Variants in NFIX observed in about 807,000 individuals in gnomAD.
NFIX encodes the protein nuclear factor I X.
Under a neutral mutation model 53.3 loss-of-function variants are expected in NFIX, and 2 were observed. That is an observed-to-expected ratio of 0.04 (90% CI 0.02 to 0.12). The LOEUF is 0.12. Ranked by LOEUF, NFIX falls within the 10% of genes least tolerant of loss-of-function variation. The pLI is 1.00. For synonymous variants in NFIX, 244 were observed against 289.0 expected, an observed-to-expected ratio of 0.84 and a Z score of 1.58; for missense variants, 310 against 674.5, an observed-to-expected ratio of 0.46 and a Z score of 5.99.
At position 13,025,219 on chromosome 19, in the gene NFIX, C is replaced by T. The variant is rs1394173641; in HGVS notation, c.226C>T (p.Leu76=). 1.2e-6 allele frequency: 2 copies of T among 1,614,086 alleles called. No homozygotes were observed. The highest frequency in any genetic ancestry group is 2.7e-5 in the African/African-American group (2 of 74,940). ...EIKQKWASRL[L]AKLRKDIRPE... ...CAAGCAGAAGTGGGCATCCCGGCTG[C>T]TGGCCAAGCTGCGCAAGGACATCCG... Residue 76 remains leucine, a synonymous_variant, in exon 2 of 11, where the codon CTG becomes TTG. Transcript: ENST00000592199. The surrounding 1 kb of genome is among the most constrained non-coding windows in gnomAD (Gnocchi z 7.5).
chr19:13,071,660 A>G (rs1266076135), intron 2 of NFIX, among the ~76,000 whole-genome samples: 1 of 152,380 alleles, frequency 6.6e-6, no homozygotes, highest in Non-Finnish European at 1.5e-5. Flanking sequence ...TTGGAATTAA[A>G]AAATCAAAAG....
chr19:13,023,943 C>A, intron 1 of NFIX: 1 of 521,826 alleles, frequency 1.9e-6, no homozygotes, highest in Non-Finnish European at 3.4e-6. Flanking sequence ...CTCCTCCTCC[C>A]CCCTCCCCCC....
In NFIX at chr19:13,096,669, A is replaced by G. The variant is rs1418993670; in HGVS notation, c.*2020A>G. On this transcript the variant is annotated 3_prime_UTR_variant, in exon 11 of 11. Transcript: ENST00000592199. ...ATGATTTTTCAGTTCGGTTGGCTAA[A>G]CAGGGTCAGAGCTGAGAGCGAAGCA... 1 of 152,448 alleles carries G rather than the reference A, an allele frequency of 6.6e-6. No homozygotes were observed. Among genetic ancestry groups the G allele is most frequent in the Non-Finnish European group, 1.5e-5 (1 of 68,030 alleles). 9.4% of individuals were successfully genotyped at this position (152,448 alleles called of 1,614,324 possible). A position where few individuals can be genotyped will look rare whatever the true frequency, so the allele number is the denominator to read the frequency against.
In NFIX at chr19:13,089,029, G is replaced by A. The variant is rs757961285; in HGVS notation, c.1402+893G>A. On this transcript the variant is annotated intron_variant, in intron 9 of 10. Coordinates refer to ENST00000592199, the MANE Select transcript of NFIX (RefSeq NM_001365902.3). The surrounding 1 kb of genome is among the most constrained non-coding windows in gnomAD (Gnocchi z 4.8). ...AGGCCACAGGCCAGGGCAGTTCGGT[G>A]GCGGTGGGAGGGGTGGCCCATCTCA... is the stretch of plus-strand genomic sequence containing the variant. 2.0e-5 allele frequency among the ~76,000 whole-genome samples: 3 copies of A among 152,078 alleles called. No individual in the cohort carries two copies. The highest frequency in any genetic ancestry group is 2.9e-5 in the Non-Finnish European group (2 of 68,008).
In NFIX at chr19:13,067,817, A is replaced by C. The variant is rs1342095815; in HGVS notation, c.560-5230A>C. Among the ~76,000 whole-genome samples, 1 of 152,058 alleles carries C rather than the reference A, an allele frequency of 6.6e-6. No homozygotes were observed. Among genetic ancestry groups the C allele is most frequent in the East Asian group, 1.9e-4 (1 of 5,174 alleles). On this transcript the variant is annotated intron_variant, in intron 2 of 10. Coordinates refer to ENST00000592199, the MANE Select transcript of NFIX (RefSeq NM_001365902.3). This position sits in a 1 kb window ranked among gnomAD's most constrained non-coding sequence, Gnocchi z 4.2. ...GGAAAATATATATATATATATTAAAAACATGCATCCGGGCACGGTGGCTCA... is the reference window on the plus strand; with the variant it reads ...GGAAAATATATATATATATATTAAACACATGCATCCGGGCACGGTGGCTCA...
intron 1 of NFIX, among the ~76,000 whole-genome samples, chr19:13,016,349 C>T (rs555447218): frequency 3.1e-3 from 466 of 152,262 alleles, no homozygotes; most frequent in Non-Finnish European, 5.4e-3. Context: ...CATCCTGACC[C>T]GTCCACATGT....
intron 1 of NFIX, among the ~76,000 whole-genome samples, chr19:13,004,646 C>T (rs1164549235): frequency 1.3e-5 from 2 of 151,986 alleles, no homozygotes; most frequent in Non-Finnish European, 2.9e-5. Context: ...ATTGGGAGCC[C>T]CAAATCCCTG....
intron 2 of NFIX, chr19:13,070,057 A>G (rs2016679305): frequency 6.6e-6 from 1 of 152,038 alleles, no homozygotes; most frequent in Non-Finnish European, 1.5e-5. Flanking sequence ...AGGCTCCCCA[A>G]AGAGCCTGCC....
chr19:13,028,460 C>G lies in NFIX; in HGVS notation c.559+2908C>G, dbSNP rs2145206273. ...CCCAGGTGCCATTGTCACCCATGGC[C>G]TTCCTGAGCCCTTGTTATGTCCCAG... On this transcript the variant is annotated intron_variant, in intron 2 of 10. Transcript: ENST00000592199. The surrounding 1 kb of genome is among the most constrained non-coding windows in gnomAD (Gnocchi z 4.2). 6.6e-6 allele frequency among the ~76,000 whole-genome samples: 1 copy of G among 152,310 alleles called. No homozygotes were observed. The highest frequency in any genetic ancestry group is 2.4e-5 in the African/African-American group (1 of 41,562).
Position 13,014,699 on chromosome 19 carries a change from C to T in NFIX, c.28-10322C>T, listed in dbSNP as rs569746670. 6.6e-6 allele frequency among the ~76,000 whole-genome samples: 1 copy of T among 152,392 alleles called. No individual in the cohort carries two copies. The highest frequency in any genetic ancestry group is 2.1e-4 in the South Asian group (1 of 4,830). On this transcript the variant is annotated intron_variant, in intron 1 of 10. Coordinates refer to ENST00000592199, the MANE Select transcript of NFIX (RefSeq NM_001365902.3). The surrounding 1 kb of genome is among the most constrained non-coding windows in gnomAD (Gnocchi z 4.4). Reference sequence around the variant, plus strand: ...TAGAAGAGAGAGCTGCCCACTTGGGCTGGGCCTGGCATCCAGCCCCAGAGG... The same window carrying T: ...TAGAAGAGAGAGCTGCCCACTTGGGTTGGGCCTGGCATCCAGCCCCAGAGG...
intron 2 of NFIX, among the ~76,000 whole-genome samples, chr19:13,069,241 G>T (rs1300078720): frequency 6.6e-6 from 1 of 152,192 alleles, no homozygotes; most frequent in African/African-American, 2.4e-5. Context: ...CTGAACTTGG[G>T]GGTGCACAGT....
Position 13,088,166 on chromosome 19 carries a change from C to CGTTG in NFIX, c.1402+31_1402+32insTTGG. On this transcript the variant is annotated intron_variant, in intron 9 of 10. Transcript: ENST00000592199. The surrounding 1 kb of genome is among the most constrained non-coding windows in gnomAD (Gnocchi z 5.9). ...GTGGACGATGAAACCGAAACCACAA[C>CGTTG]GCCCAGCGTCCCCGGCCCGTCCAAA... 1 of 1,535,922 alleles carries CGTTG rather than the reference C, an allele frequency of 6.5e-7. No homozygotes were observed. Among genetic ancestry groups the CGTTG allele is most frequent in the African/African-American group, 1.4e-5 (1 of 73,162 alleles).
chr19:13,041,132 T>G (rs1268921090), intron 2 of NFIX, among the ~76,000 whole-genome samples: 1 of 152,134 alleles, frequency 6.6e-6, no homozygotes, highest in African/African-American at 2.4e-5. Context: ...TACCACTCTT[T>G]GGGCTGGAGT....
chr19:13,024,004 G>T (rs1394326463), intron 1 of NFIX: 1 of 1,508,384 alleles, frequency 6.6e-7, no homozygotes, highest in African/African-American at 1.4e-5. Context: ...AGAATCGGGC[G>T]TTGGGCTTTG....
rs773323450 is a variant in NFIX, at chr19:13,073,394, T to C, written c.623-28T>C. ...AGGCAGCCCCCTTCTGGCCTTGTCTTGACTCACTCATCCTTTCCCCTCTTC... is the reference window on the plus strand; with the variant it reads ...AGGCAGCCCCCTTCTGGCCTTGTCTCGACTCACTCATCCTTTCCCCTCTTC... On this transcript the variant is annotated intron_variant, in intron 3 of 10. Coordinates refer to ENST00000592199, the MANE Select transcript of NFIX (RefSeq NM_001365902.3). This position sits in a 1 kb window ranked among gnomAD's most constrained non-coding sequence, Gnocchi z 4.5. 6.9e-6 allele frequency: 11 copies of C among 1,598,498 alleles called. No individual in the cohort carries two copies. In the East Asian group the frequency reaches 2.5e-4, roughly 36 times the overall value.
chr19:13,094,055 C>T lies in NFIX; in HGVS notation c.1495-580C>T, dbSNP rs1325592505. Among the ~76,000 whole-genome samples the T allele has an allele frequency of 6.6e-6, 1 of 152,182 alleles. No homozygotes were observed. Among genetic ancestry groups the T allele is most frequent in the African/African-American group, 2.4e-5 (1 of 41,440 alleles). On this transcript the variant is annotated intron_variant, in intron 10 of 10. Coordinates refer to ENST00000592199, the MANE Select transcript of NFIX (RefSeq NM_001365902.3). This position sits in a 1 kb window ranked among gnomAD's most constrained non-coding sequence, Gnocchi z 4.3. ...GCCCTGAGGGTAGAGGATCCAGCACCATGGGCTACGTGGCCCCTCCCCCAG... is the reference window on the plus strand; with the variant it reads ...GCCCTGAGGGTAGAGGATCCAGCACTATGGGCTACGTGGCCCCTCCCCCAG...
rs2018516564 is a variant in NFIX at position 13,097,191 on chromosome 19, T to TC, written c.*2542_*2543insC. 6.6e-6 allele frequency: 1 copy of TC among 150,940 alleles called. No homozygotes were observed. 9.4% of individuals were successfully genotyped at this position (150,940 alleles called of 1,614,324 possible). A position where few individuals can be genotyped will look rare whatever the true frequency, so the allele number is the denominator to read the frequency against. Reference sequence around the variant, plus strand: ...CCTTTTTTTTGTTCGTTTTTAGTTTTTTTTTTTTTAAGTCGTTTTCCTGCG... The same window carrying TC: ...CCTTTTTTTTGTTCGTTTTTAGTTTTCTTTTTTTTTAAGTCGTTTTCCTGCG... On this transcript the variant is annotated 3_prime_UTR_variant, in exon 11 of 11. Transcript: ENST00000592199.
chr19:13,046,676 T>C (rs2015009312), intron 2 of NFIX, among the ~76,000 whole-genome samples: 1 of 152,148 alleles, frequency 6.6e-6, no homozygotes, highest in African/African-American at 2.4e-5. Context: ...AAAATGTCTG[T>C]AAATAGGCTG....
Position 13,089,738 on chromosome 19 carries a change from G to A in NFIX, c.1403-561G>A, listed in dbSNP as rs1489709370. On this transcript the variant is annotated intron_variant, in intron 9 of 10. Transcript: ENST00000592199. This position sits in a 1 kb window ranked among gnomAD's most constrained non-coding sequence, Gnocchi z 4.8. Reference sequence around the variant, plus strand: ...GGGCCTGCCCAGAGTGGTAAGAGGTGTAGCATCTAGCTAGGCCACCCAGGT... The same window carrying A: ...GGGCCTGCCCAGAGTGGTAAGAGGTATAGCATCTAGCTAGGCCACCCAGGT... Among the ~76,000 whole-genome samples the A allele has an allele frequency of 1.3e-5, 2 of 152,232 alleles. No homozygotes were observed. Among genetic ancestry groups the A allele is most frequent in the Non-Finnish European group, 2.9e-5 (2 of 68,020 alleles).
Sources: gnomAD v4.1 joint callset for allele counts (sites outside exome capture counted in the v4.1 genomes callset) on GRCh38, gnomAD v4.1.1 for gene constraint, Gnocchi (gnomAD v3.1) non-coding constraint, MANE v1.5 for transcripts, NCBI Gene and HGNC (gene_info 2026-07-23, HGNC 2026-07-21) for gene names.